Variants in CNTNAP2 observed in about 807,000 individuals in gnomAD.
CNTNAP2 encodes contactin associated protein 2, also known as contactin-associated protein-like 2.
A neutral mutation model predicts 155.2 loss-of-function variants in CNTNAP2; 98 were observed. That is an observed-to-expected ratio of 0.63 (90% CI 0.54 to 0.75). The LOEUF (loss-of-function observed/expected upper bound fraction) is 0.75. Ranked by LOEUF, CNTNAP2 falls within the 30% of genes least tolerant of loss-of-function variation. The pLI is 0.00. For synonymous variants in CNTNAP2, 651 were observed against 631.2 expected (o/e 1.03, Z -0.47); for missense variants, 1,727 against 1,688.1 (o/e 1.02, Z -0.40).
At chr7:147,830,101 T>C (rs1472617978) in intron 13 of CNTNAP2, among the ~76,000 whole-genome samples, 2 of 151,584 alleles carry the variant, frequency 1.3e-5, no homozygotes, top group African/African-American at 4.9e-5. Context: ...TCAATACATA[T>C]GTGAATCTGA....
intron 15 of CNTNAP2, among the ~76,000 whole-genome samples, chr7:148,087,743 G>A (rs1377129037): frequency 6.6e-6 from 1 of 152,144 alleles, no homozygotes; most frequent in African/African-American, 2.4e-5. Flanking sequence ...GTAGTAAAGA[G>A]TAGTAGAGAA....
intron 1 of CNTNAP2, among the ~76,000 whole-genome samples, chr7:146,707,404 T>C (rs6944825): frequency 0.086 from 13,081 of 152,248 alleles, 1,792 homozygotes; most frequent in African/African-American, 0.29. Context: ...AATGACTACA[T>C]GTTGAACACA....
At chr7:148,137,327 T>C (rs575113183) in intron 16 of CNTNAP2, among the ~76,000 whole-genome samples, 2 of 152,198 alleles carry the variant, frequency 1.3e-5, no homozygotes, top group African/African-American at 2.4e-5. Flanking sequence ...AAAGGCACTT[T>C]TATAGAAGTC....
At chr7:146,759,640 T>A (rs567214896) in intron 1 of CNTNAP2, among the ~76,000 whole-genome samples, 3 of 120,438 alleles carry the variant, frequency 2.5e-5, no homozygotes, top group African/African-American at 9.5e-5. Flanking sequence ...GGAGCTGAGA[T>A]CACGCCACAG....
rs1554439604 is a variant in CNTNAP2, at chr7:146,483,326, T to TATATATATAC, written c.98-290942_98-290941insTATATACATA. Among the ~76,000 whole-genome samples the TATATATATAC allele has an allele frequency of 2.5e-3, 195 of 79,214 alleles. 2 individuals carry two copies. Among genetic ancestry groups the TATATATATAC allele is most frequent in the Non-Finnish European group, 3.3e-3 (143 of 42,758 alleles). The allele number at this position is 79,214 out of a possible 152,430, so 52.0% of individuals were successfully genotyped here. A position where few individuals can be genotyped will look rare whatever the true frequency, so the allele number is the denominator to read the frequency against. On this transcript the variant is annotated intron_variant, in intron 1 of 23. Transcript: ENST00000361727. ...ATATATATATATATATATATATATATATACATATATATATATTTAAGCACA... is the reference window on the plus strand; with the variant it reads ...ATATATATATATATATATATATATATATATATATACATACATATATATATATTTAAGCACA...
At chr7:147,688,290 T>C (rs1032463322) in intron 13 of CNTNAP2, among the ~76,000 whole-genome samples, 5 of 151,878 alleles carry the variant, frequency 3.3e-5, no homozygotes, top group Non-Finnish European at 7.4e-5. Flanking sequence ...CAAAGAGAGG[T>C]TTAATTTTAA....
chr7:148,212,382 T>C (rs1013432396), intron 18 of CNTNAP2, among the ~76,000 whole-genome samples: 1 of 152,182 alleles, frequency 6.6e-6, no homozygotes, highest in African/African-American at 2.4e-5. Context: ...AGTCCACAGA[T>C]GGCATAATGT....
chr7:146,957,140 C>A (rs1367898293), intron 3 of CNTNAP2, among the ~76,000 whole-genome samples: 2 of 152,156 alleles, frequency 1.3e-5, no homozygotes, highest in Non-Finnish European at 2.9e-5. Flanking sequence ...GCCCCCTACA[C>A]ACTTAGACTA....
chr7:148,199,259 G>A (rs867842723), intron 18 of CNTNAP2, among the ~76,000 whole-genome samples: 1 of 152,190 alleles, frequency 6.6e-6, no homozygotes, highest in South Asian at 2.1e-4. Flanking sequence ...ATAACAAGAA[G>A]TGACTAGAAT....
Position 146,550,030 on chromosome 7 carries a change from G to A in CNTNAP2, c.98-224241G>A, listed in dbSNP as rs1011952455. On this transcript the variant is annotated intron_variant, in intron 1 of 23. Coordinates refer to ENST00000361727, the MANE Select transcript of CNTNAP2 (RefSeq NM_014141.6). ...TAAAGTAAGTATCAAAAAGAAAAGC[G>A]TGGAACCTAAAAAGCTCCAGTCAAA... 5.1e-4 allele frequency among the ~76,000 whole-genome samples: 77 copies of A among 152,116 alleles called. 1 individual carries two copies. The highest frequency in any genetic ancestry group is 3.9e-3 in the East Asian group (20 of 5,174).
At chr7:148,355,722 C>T (rs1047409045) in intron 21 of CNTNAP2, among the ~76,000 whole-genome samples, 2 of 152,192 alleles carry the variant, frequency 1.3e-5, no homozygotes, top group Non-Finnish European at 2.9e-5. Context: ...TAGCCATAGT[C>T]ATATCTATCA....
chr7:147,919,409 A>C (rs963884331), intron 14 of CNTNAP2, among the ~76,000 whole-genome samples: 3 of 148,816 alleles, frequency 2.0e-5, no homozygotes, highest in African/African-American at 7.4e-5. Flanking sequence ...CAGCCTCCTG[A>C]GTTGCCAGGA....
intron 9 of CNTNAP2, among the ~76,000 whole-genome samples, chr7:147,353,654 A>G (rs1406581414): frequency 6.6e-6 from 1 of 152,132 alleles, no homozygotes; most frequent in Non-Finnish European, 1.5e-5. Flanking sequence ...TCCTTTGGGT[A>G]TATACCCAGT....
chr7:147,132,592 G>A (rs1355993536), intron 8 of CNTNAP2, 83 bp downstream of exon 8: 3 of 1,554,710 alleles, frequency 1.9e-6, no homozygotes, highest in Non-Finnish European at 2.7e-6. Flanking sequence ...GGTTTTGCTG[G>A]TGTTACACGC....
intron 10 of CNTNAP2, among the ~76,000 whole-genome samples, chr7:147,430,272 A>T (rs1276007306): frequency 6.6e-6 from 1 of 152,216 alleles, no homozygotes; most frequent in African/African-American, 2.4e-5. Context: ...GCCTTCTATG[A>T]GGTCACAGCC....
intron 13 of CNTNAP2, among the ~76,000 whole-genome samples, chr7:147,804,241 T>A (rs564939140): frequency 6.6e-6 from 1 of 152,340 alleles, no homozygotes; most frequent in Non-Finnish European, 1.5e-5. Flanking sequence ...CATAAATTGA[T>A]AATTAATAGG....
At chr7:146,328,707 C>A (rs1180299299) in intron 1 of CNTNAP2, among the ~76,000 whole-genome samples, 1 of 152,144 alleles carries the variant, frequency 6.6e-6, no homozygotes, top group Non-Finnish European at 1.5e-5. Context: ...GCCCCCAGCT[C>A]CTCCTAATCA....
intron 14 of CNTNAP2, among the ~76,000 whole-genome samples, chr7:147,936,019 C>T (rs1800600353): frequency 3.1e-5 from 1 of 32,116 alleles, no homozygotes; most frequent in Non-Finnish European, 2.1e-4. Flanking sequence ...CATGTAAAAG[C>T]TCAACTTAAA....
At chr7:146,245,548 T>C (rs1264402497) in intron 1 of CNTNAP2, among the ~76,000 whole-genome samples, 2 of 152,098 alleles carry the variant, frequency 1.3e-5, no homozygotes, top group Non-Finnish European at 2.9e-5. Flanking sequence ...CAGTCCTGGC[T>C]CTTGTGTAAG....
Sources: allele counts gnomAD v4.1 joint callset (sites outside exome capture counted in the v4.1 genomes callset), GRCh38; gene constraint gnomAD v4.1.1; transcripts MANE v1.5; gene names NCBI Gene and HGNC (gene_info 2026-07-23, HGNC 2026-07-21).